Variants in CRACD observed in about 807,000 individuals in gnomAD.
CRACD encodes capping protein-inhibiting regulator of actin dynamics.
Under a neutral mutation model 106.8 loss-of-function variants are expected in CRACD, and 56 were observed. That is an observed-to-expected ratio of 0.52 (90% CI 0.42 to 0.66). The LOEUF is 0.66. Among genes scored for constraint, CRACD ranks in the 30% least tolerant of loss-of-function variants. CRACD has a pLI of 0.00. For synonymous variants in CRACD, 754 were observed against 670.8 expected, an observed-to-expected ratio of 1.12 and a Z score of -1.92; for missense variants, 1,730 against 1,623.2, an observed-to-expected ratio of 1.07 and a Z score of -1.13.
In CRACD at chr4:56,131,521, G is replaced by A. The variant is rs1332601698; in HGVS notation, c.-335-47763G>A. Among the ~76,000 whole-genome samples, 5 of 152,148 alleles carry A rather than the reference G, an allele frequency of 3.3e-5. No homozygotes were observed. The South Asian group carries it at 1.0e-3, about 31-fold the overall frequency. ...TAAAGCTTTAAATGCAGTTTGATGA[G>A]CTCAGGTTTGTACTTGTGTAGTATG... On this transcript the variant is annotated intron_variant, in intron 1 of 10. Transcript: ENST00000682029.
intron 3 of CRACD, among the ~76,000 whole-genome samples, chr4:56,284,242 C>G (rs1447788013): frequency 8.2e-6 from 1 of 121,226 alleles, no homozygotes; most frequent in Non-Finnish European, 1.6e-5. Flanking sequence ...TTCCTTGAGC[C>G]CAGGAGTTTC....
chr4:56,177,583 G>A (rs1374477589), intron 1 of CRACD, among the ~76,000 whole-genome samples: 1 of 152,194 alleles, frequency 6.6e-6, no homozygotes, highest in Non-Finnish European at 1.5e-5. Flanking sequence ...AACAGTTTGA[G>A]TAGAATTGGT....
chr4:56,212,977 T>C (rs1738482562), intron 2 of CRACD, among the ~76,000 whole-genome samples: 1 of 151,336 alleles, frequency 6.6e-6, no homozygotes, highest in Non-Finnish European at 1.5e-5. Context: ...CTGTGGAGTT[T>C]TGGAATCCAA....
intron 2 of CRACD, among the ~76,000 whole-genome samples, chr4:56,260,177 A>G (rs558204940): frequency 2.0e-5 from 3 of 152,324 alleles, no homozygotes; most frequent in East Asian, 3.9e-4. Context: ...ATGTGTTTGC[A>G]TATATATTAA....
At chr4:56,112,605 T>C (rs567270845) in intron 1 of CRACD, among the ~76,000 whole-genome samples, 4 of 152,256 alleles carry the variant, frequency 2.6e-5, no homozygotes, top group Admixed American at 1.3e-4. Context: ...CGGCTCCCCC[T>C]GTCTGAGGTC....
rs181723068 is a variant in CRACD at position 56,227,878 on chromosome 4, G to A, written c.-188-44443G>A. Among the ~76,000 whole-genome samples the A allele has an allele frequency of 1.7e-4, 26 of 152,296 alleles. No homozygotes were observed. The East Asian group carries it at 4.4e-3, about 26-fold the overall frequency. Reference sequence around the variant, plus strand: ...CAATCCACCAGTGGTCTACCTGGTCGTATTCTCTTTCTTTTTTTCTTTCCC... The same window carrying A: ...CAATCCACCAGTGGTCTACCTGGTCATATTCTCTTTCTTTTTTTCTTTCCC... On this transcript the variant is annotated intron_variant, in intron 2 of 10. Coordinates refer to ENST00000682029, the MANE Select transcript of CRACD (RefSeq NM_001393381.1).
At chr4:56,073,241 A>G (rs1401712586) in intron 1 of CRACD, among the ~76,000 whole-genome samples, 1 of 152,104 alleles carries the variant, frequency 6.6e-6, no homozygotes, top group East Asian at 1.9e-4. Flanking sequence ...AAGCTTTCCT[A>G]TTTCTCCACA....
chr4:56,080,122 C>T (rs893550904), intron 1 of CRACD, among the ~76,000 whole-genome samples: 2 of 152,060 alleles, frequency 1.3e-5, no homozygotes, highest in South Asian at 2.1e-4. Flanking sequence ...GTGGAAGGAT[C>T]GCTTGAGGCC....
At chr4:56,326,053 A>G (rs753169192) in intron 10 of CRACD, among the ~76,000 whole-genome samples, 2 of 152,218 alleles carry the variant, frequency 1.3e-5, no homozygotes, top group Non-Finnish European at 2.9e-5. Flanking sequence ...CTGGGAGTAC[A>G]GGCACACGCC....
Position 56,307,707 on chromosome 4 carries a change from T to C in CRACD, c.285+8T>C, listed in dbSNP as rs750328744. On this transcript the variant is annotated splice_region_variant and intron_variant, in intron 5 of 10. Coordinates refer to ENST00000682029, the MANE Select transcript of CRACD (RefSeq NM_001393381.1). ...TCAGACGCAGAGAACAAGGTAAGTC[T>C]CCTCCAGGGAATGACTTGATGGCTC... 2 of 1,613,800 alleles carry C rather than the reference T, an allele frequency of 1.2e-6. No individual in the cohort carries two copies. Among genetic ancestry groups the C allele is most frequent in the Non-Finnish European group, 1.7e-6 (2 of 1,179,900 alleles).
intron 2 of CRACD, among the ~76,000 whole-genome samples, chr4:56,225,472 G>T (rs532538270): frequency 2.4e-4 from 37 of 152,156 alleles, no homozygotes; most frequent in Admixed American, 5.9e-4. Flanking sequence ...ATCTTTATCT[G>T]TTCTCTTTCC....
At chr4:56,152,271 C>A (rs1234971644) in intron 1 of CRACD, among the ~76,000 whole-genome samples, 5 of 151,660 alleles carry the variant, frequency 3.3e-5, no homozygotes, top group Non-Finnish European at 7.4e-5. Context: ...CCCGGCTCGG[C>A]CTCCCAAAGT....
chr4:56,159,688 AC>A (rs915923882), intron 1 of CRACD, among the ~76,000 whole-genome samples: 2 of 151,844 alleles, frequency 1.3e-5, no homozygotes, highest in Non-Finnish European at 2.9e-5. Context: ...GTCTCTTCTG[AC>A]CCCCCTATAA....
chr4:56,182,280 G>A (rs1422648206), intron 2 of CRACD, among the ~76,000 whole-genome samples: 1 of 152,132 alleles, frequency 6.6e-6, no homozygotes, highest in Non-Finnish European at 1.5e-5. Context: ...TGAGGTGGGA[G>A]GATCACTGGA....
In CRACD at chr4:56,311,036, T is replaced by C. The variant is rs984289930; in HGVS notation, c.354+302T>C. 5 of 296,640 alleles carry C rather than the reference T, an allele frequency of 1.7e-5. 1 individual carries two copies. Among genetic ancestry groups the C allele is most frequent in the Non-Finnish European group, 2.5e-5 (4 of 159,750 alleles). The allele number at this position is 296,640 out of a possible 1,614,324, so 18.4% of individuals were successfully genotyped here. On this transcript the variant is annotated intron_variant, in intron 6 of 10. Coordinates refer to ENST00000682029, the MANE Select transcript of CRACD (RefSeq NM_001393381.1). ...ATCATGTACTTCAAGATCCTGTTAA[T>C]TGATTGAAAAAGGCATTCCAGAATA...
At position 56,318,260 on chromosome 4, in the gene CRACD, A is replaced by T. The variant is rs544724558; in HGVS notation, c.3187+1571A>T. ...ATCCCTCCTGCCTAAGCCTCCTCGT[A>T]GGTGGGACTACAGGTGTGAGCCACC... On this transcript the variant is annotated intron_variant, in intron 8 of 10. Transcript: ENST00000682029. Among the ~76,000 whole-genome samples, 150 of 152,236 alleles carry T rather than the reference A, an allele frequency of 9.9e-4. 2 individuals are homozygous for T. The highest frequency in any genetic ancestry group is 1.9e-3 in the Non-Finnish European group (131 of 68,012).
At chr4:56,102,562 G>A (rs1733815849) in intron 1 of CRACD, among the ~76,000 whole-genome samples, 1 of 152,204 alleles carries the variant, frequency 6.6e-6, no homozygotes. Flanking sequence ...GTGCTGTTAA[G>A]GATAGGGTCC....
At chr4:56,089,301 C>T (rs950663982) in intron 1 of CRACD, among the ~76,000 whole-genome samples, 3 of 152,108 alleles carry the variant, frequency 2.0e-5, no homozygotes, top group Non-Finnish European at 4.4e-5. Flanking sequence ...GCTGTAAACA[C>T]GATGCTGTCC....
At chr4:56,216,154 C>T (rs1738662874) in intron 2 of CRACD, 1 of 152,206 alleles carries the variant, frequency 6.6e-6, no homozygotes, top group Admixed American at 6.5e-5. Flanking sequence ...CTTAAAGCGC[C>T]TCCAACTTCT....
Sources: gnomAD v4.1 joint callset for allele counts (sites outside exome capture counted in the v4.1 genomes callset) on GRCh38, gnomAD v4.1.1 for gene constraint, MANE v1.5 for transcripts, NCBI Gene and HGNC (gene_info 2026-07-23, HGNC 2026-07-21) for gene names.